MYOZ3: variants seen among roughly 807,000 people sequenced by gnomAD.
The protein encoded by MYOZ3 is myozenin-3.
A neutral mutation model predicts 26.5 loss-of-function variants in MYOZ3; 19 were observed. That is an observed-to-expected ratio of 0.72 (90% confidence interval 0.50 to 1.05). MYOZ3 has a LOEUF of 1.05. MYOZ3 is among the 50% of genes least tolerant of loss of function. MYOZ3 has a pLI of 0.00. For synonymous variants in MYOZ3, 135 were observed against 138.8 expected (o/e 0.97, Z 0.19); for missense variants, 322 against 337.1 (o/e 0.96, Z 0.35).
intron 2 of MYOZ3, among the ~76,000 whole-genome samples, chr5:150,668,475 G>A (rs1008178922): frequency 6.6e-6 from 1 of 152,174 alleles, no homozygotes; most frequent in East Asian, 1.9e-4. Flanking sequence ...CTCCTGGCTT[G>A]GTTCCTCCTC....
At chr5:150,675,569 C>T (rs575585137) in intron 6 of MYOZ3, among the ~76,000 whole-genome samples, 1 of 152,296 alleles carries the variant, frequency 6.6e-6, no homozygotes, top group East Asian at 1.9e-4. Flanking sequence ...GACGGGGTTT[C>T]ACCATGTGGG....
chr5:150,676,341 T>C (rs1561672769), intron 6 of MYOZ3, among the ~76,000 whole-genome samples: 3 of 151,898 alleles, frequency 2.0e-5, no homozygotes, highest in Admixed American at 1.3e-4. Context: ...GTCAGGAGTT[T>C]GAGACTAGCC....
intron 3 of MYOZ3, chr5:150,671,311 A>G: frequency 2.0e-6 from 1 of 488,970 alleles, no homozygotes; most frequent in Middle Eastern, 5.6e-4. Context: ...TCTGAGGAAG[A>G]GATCTTCATC....
At chr5:150,662,401 T>C (rs938258781) in intron 1 of MYOZ3, among the ~76,000 whole-genome samples, 6 of 152,130 alleles carry the variant, frequency 3.9e-5, no homozygotes, top group African/African-American at 1.4e-4. Flanking sequence ...GGGATGGTTC[T>C]CTCTGCTTGG....
At chr5:150,664,259 T>A (rs1261556012) in intron 2 of MYOZ3, among the ~76,000 whole-genome samples, 1 of 152,174 alleles carries the variant, frequency 6.6e-6, no homozygotes, top group East Asian at 1.9e-4. Flanking sequence ...ATGTCCAGTT[T>A]CTTCCCCTAC....
At chr5:150,674,735 G>A (rs551327383) in intron 6 of MYOZ3, among the ~76,000 whole-genome samples, 174 of 152,310 alleles carry the variant, frequency 1.1e-3, no homozygotes, top group African/African-American at 4.0e-3. Context: ...TATTAAGGCC[G>A]GGCGCAGTGG....
intron 6 of MYOZ3, among the ~76,000 whole-genome samples, chr5:150,675,438 T>C (rs1333793898): frequency 6.6e-6 from 1 of 152,036 alleles, no homozygotes; most frequent in Non-Finnish European, 1.5e-5. Flanking sequence ...AATGACACAA[T>C]CTCAGCTCAC....
At chr5:150,672,075 G>GC (rs1758924839) in intron 5 of MYOZ3, 167 bp downstream of exon 5, 1 of 1,179,932 alleles carries the variant, frequency 8.5e-7, no homozygotes, top group Non-Finnish European at 1.2e-6. Context: ...GGGGCGCCGC[G>GC]CCCCAGGTCA....
intron 1 of MYOZ3, among the ~76,000 whole-genome samples, chr5:150,662,372 G>A (rs138830694): frequency 2.4e-4 from 37 of 152,290 alleles, no homozygotes; most frequent in Non-Finnish European, 4.1e-4. Flanking sequence ...GCCCAGTAGC[G>A]GGGAGATGGG....
intron 1 of MYOZ3, among the ~76,000 whole-genome samples, chr5:150,662,683 A>G (rs983955242): frequency 2.0e-5 from 3 of 151,752 alleles, no homozygotes; most frequent in African/African-American, 4.8e-5. Context: ...CCTAGAAACC[A>G]CCCCTGAAGA....
Position 150,676,917 on chromosome 5 carries a change from T to C in MYOZ3, c.*42T>C, listed in dbSNP as rs1759020271. Reference sequence around the variant, plus strand: ...CAGTTCCCCAGTCTCGGGGGCCTGGTAACATCCGGAGCCAAGACTTGTGGA... The same window carrying C: ...CAGTTCCCCAGTCTCGGGGGCCTGGCAACATCCGGAGCCAAGACTTGTGGA... On this transcript the variant is annotated 3_prime_UTR_variant, in exon 7 of 7. Coordinates refer to ENST00000517768, the MANE Select transcript of MYOZ3 (RefSeq NM_001122853.3). 1.3e-6 allele frequency: 2 copies of C among 1,572,308 alleles called. No homozygotes were observed. The highest frequency in any genetic ancestry group is 2.7e-5 in the African/African-American group (2 of 73,846).
Position 150,662,458 on chromosome 5 carries a change from G to A in MYOZ3, c.-1-483G>A, listed in dbSNP as rs543036739. On this transcript the variant is annotated intron_variant, in intron 1 of 6. Transcript: ENST00000517768. Reference sequence around the variant, plus strand: ...AGCGTCAGGGCCAAGTGCCAAGGATGAAAGGGGCTCACCAGCCTTGCAGAC... The same window carrying A: ...AGCGTCAGGGCCAAGTGCCAAGGATAAAAGGGGCTCACCAGCCTTGCAGAC... 2.6e-5 allele frequency among the ~76,000 whole-genome samples: 4 copies of A among 152,272 alleles called. No homozygotes were observed. In the East Asian group the frequency reaches 7.7e-4, roughly 29 times the overall value.
chr5:150,673,100 G>GT (rs1388969016), intron 6 of MYOZ3: 1 of 152,876 alleles, frequency 6.5e-6, no homozygotes, highest in African/African-American at 2.4e-5. Context: ...CCACAGCGCA[G>GT]TGGCCTATAT....
rs762602299 is a variant in MYOZ3, at chr5:150,671,845, G to C, written c.361G>C (p.Glu121Gln). Residue 121 changes from glutamate (E) to glutamine (Q), a missense_variant, in exon 5 of 7, where the codon GAG becomes CAG. Glu to Gln is a conservative substitution (Grantham distance 29). Transcript: ENST00000517768. Reference protein sequence around the residue: ...ASPGASLGGPEGAHPAAAPAG... With the variant: ...ASPGASLGGPQGAHPAAAPAG... ...ACCCGGGGCCTCACTCGGGGGTCCC[G>C]AGGGCGCCCACCCTGCAGCCGCCCC... The C allele has an allele frequency of 6.2e-7, 1 of 1,606,730 alleles. No homozygotes were observed. The highest frequency in any genetic ancestry group is 1.1e-5 in the South Asian group (1 of 90,490).
Position 150,671,819 on chromosome 5 carries a change from C to G in MYOZ3, c.335C>G (p.Ser112Ter). The G allele has an allele frequency of 6.2e-7, 1 of 1,611,942 alleles. No homozygotes were observed. The highest frequency in any genetic ancestry group is 8.5e-7 in the Non-Finnish European group (1 of 1,179,722). ...TCGGAGCTCCACATCTTCCCGGCCT[C>G]ACCCGGGGCCTCACTCGGGGGTCCC... ...YRSELHIFPA[S>*]PGASLGGPEG... Residue 112 changes from serine to a stop codon, truncating the protein, a stop_gained, in exon 5 of 7, where the codon TCA (serine) becomes TGA (stop). Coordinates refer to ENST00000517768, the MANE Select transcript of MYOZ3 (RefSeq NM_001122853.3). LOFTEE classifies it high-confidence loss of function.
At chr5:150,670,944 A>G (rs934263503) in intron 3 of MYOZ3, 6 of 205,086 alleles carry the variant, frequency 2.9e-5, no homozygotes, top group African/African-American at 1.4e-4. Flanking sequence ...CTAAATTTGC[A>G]GCAGGCTGGA....
At chr5:150,676,228 G>A (rs989121880) in intron 6 of MYOZ3, among the ~76,000 whole-genome samples, 1 of 147,848 alleles carries the variant, frequency 6.8e-6, no homozygotes, top group Non-Finnish European at 1.5e-5. Context: ...TTGGAAATGG[G>A]CAAAGTTGAA....
intron 2 of MYOZ3, chr5:150,669,146 T>C (rs1758856898): frequency 7.0e-6 from 1 of 142,474 alleles, no homozygotes. Context: ...AAGATCTTGA[T>C]AAAACAAGTT....
chr5:150,674,701 AT>A (rs1257953564), intron 6 of MYOZ3, among the ~76,000 whole-genome samples: 6 of 152,100 alleles, frequency 3.9e-5, no homozygotes, highest in Non-Finnish European at 8.8e-5. Flanking sequence ...AATGATTTTT[AT>A]TTTTCTTAAA....
Sources: allele counts gnomAD v4.1 joint callset (sites outside exome capture counted in the v4.1 genomes callset), GRCh38; gene constraint gnomAD v4.1.1; transcripts MANE v1.5; gene names NCBI Gene and HGNC (gene_info 2026-07-23, HGNC 2026-07-21).